The following RNF13 variants were observed in gnomAD, a reference collection of about 807,000 sequenced individuals.
RNF13 encodes the protein ring finger protein 13.
A neutral mutation model predicts 37.7 loss-of-function variants in RNF13; 19 were observed. The observed-to-expected ratio is 0.50, with a 90% CI of 0.35 to 0.74. The LOEUF (loss-of-function observed/expected upper bound fraction) is 0.74, where lower values mean the gene tolerates loss of function less well. RNF13 is among the 30% of genes least tolerant of loss of function. The pLI, the probability that RNF13 is intolerant of heterozygous loss-of-function variation, is 0.01. For synonymous variants in RNF13, 144 were observed against 157.8 expected (o/e 0.91, Z 0.65); for missense variants, 375 against 453.0 (o/e 0.83, Z 1.56).
At chr3:149,926,454 C>T (rs1718665714) in intron 8 of RNF13, among the ~76,000 whole-genome samples, 2 of 152,154 alleles carry the variant, frequency 1.3e-5, no homozygotes, top group Non-Finnish European at 2.9e-5. Flanking sequence ...TCATGATCTG[C>T]CCACCTTGGC....
At chr3:149,946,540 A>C (rs1720786740) in intron 8 of RNF13, among the ~76,000 whole-genome samples, 1 of 152,164 alleles carries the variant, frequency 6.6e-6, no homozygotes. Context: ...TTCATGATTT[A>C]GTACTGGTAG....
At chr3:149,842,418 T>TACAATAAATAAATAAATA (rs1205463309) in intron 1 of RNF13, among the ~76,000 whole-genome samples, 3 of 152,256 alleles carry the variant, frequency 2.0e-5, no homozygotes, top group Admixed American at 6.5e-5. Flanking sequence ...CTTCTGTGCA[T>TACAATAAATAAATAAATA]AATTGTATTT....
At chr3:149,867,457 G>A (rs1711509940) in intron 3 of RNF13, among the ~76,000 whole-genome samples, 1 of 151,426 alleles carries the variant, frequency 6.6e-6, no homozygotes, top group Non-Finnish European at 1.5e-5. Flanking sequence ...TAGTAGAGAT[G>A]GGGTTTCACG....
At chr3:149,944,330 CCCA>C (rs1720561613) in intron 8 of RNF13, among the ~76,000 whole-genome samples, 3 of 152,270 alleles carry the variant, frequency 2.0e-5, no homozygotes, top group Non-Finnish European at 2.9e-5. Flanking sequence ...TAGCTATATA[CCCA>C]GTAATGGGAT....
intron 8 of RNF13, among the ~76,000 whole-genome samples, chr3:149,958,463 C>T (rs1722073178): frequency 6.6e-6 from 1 of 152,204 alleles, no homozygotes; most frequent in Admixed American, 6.5e-5. Flanking sequence ...TTCCACTTTT[C>T]AAAACCCTTG....
At chr3:149,840,848 C>T (rs1231590238) in intron 1 of RNF13, among the ~76,000 whole-genome samples, 2 of 152,186 alleles carry the variant, frequency 1.3e-5, no homozygotes, top group African/African-American at 4.8e-5. Flanking sequence ...CACTGAGAAG[C>T]CTTACATTCA....
chr3:149,900,680 A>G (rs1194560082), intron 5 of RNF13, among the ~76,000 whole-genome samples: 1 of 152,212 alleles, frequency 6.6e-6, no homozygotes, highest in Non-Finnish European at 1.5e-5. Context: ...AAAAAAGCTT[A>G]CACTTTAAAA....
chr3:149,842,760 A>G (rs939970888), intron 1 of RNF13, among the ~76,000 whole-genome samples: 3 of 152,220 alleles, frequency 2.0e-5, no homozygotes, highest in African/African-American at 4.8e-5. Context: ...TTTATACATC[A>G]TATTTTTGAC....
intron 8 of RNF13, among the ~76,000 whole-genome samples, chr3:149,945,654 G>T (rs1339249080): frequency 1.3e-5 from 2 of 152,182 alleles, no homozygotes; most frequent in African/African-American, 4.8e-5. Context: ...TAACCTAACT[G>T]GGAGGCACCC....
At chr3:149,834,693 A>C (rs1206075721) in intron 1 of RNF13, among the ~76,000 whole-genome samples, 1 of 152,066 alleles carries the variant, frequency 6.6e-6, no homozygotes, top group East Asian at 1.9e-4. Context: ...CCTCTCTCTC[A>C]CTTGCTGCTC....
chr3:149,909,051 T>C (rs112042991), intron 6 of RNF13, among the ~76,000 whole-genome samples: 74 of 152,278 alleles, frequency 4.9e-4, no homozygotes, highest in African/African-American at 1.8e-3. Context: ...CTTCCTCAAA[T>C]ACAGATTAAT....
At chr3:149,854,465 AATGGTTATCATTTGTATAT>A (rs956669755) in intron 3 of RNF13, among the ~76,000 whole-genome samples, 2 of 152,140 alleles carry the variant, frequency 1.3e-5, no homozygotes, top group African/African-American at 4.8e-5. Context: ...ATAATTCATA[AATGGTTATCATTTGTATAT>A]ATGAAAAGTT....
intron 8 of RNF13, among the ~76,000 whole-genome samples, chr3:149,958,236 G>T (rs1442261758): frequency 2.0e-5 from 3 of 152,108 alleles, no homozygotes; most frequent in Non-Finnish European, 4.4e-5. Context: ...TTTGACACAG[G>T]TCTCACAGGG....
chr3:149,858,791 T>G (rs1723920455), intron 3 of RNF13, among the ~76,000 whole-genome samples: 2 of 152,258 alleles, frequency 1.3e-5, no homozygotes, highest in Admixed American at 1.3e-4. Context: ...TCATCATTAT[T>G]CATTAAATTA....
chr3:149,926,780 A>G (rs1359260922), intron 8 of RNF13, among the ~76,000 whole-genome samples: 2 of 151,802 alleles, frequency 1.3e-5, no homozygotes, highest in Admixed American at 1.3e-4. Flanking sequence ...TTGTTTCTGG[A>G]TTTCTCTTGG....
chr3:149,817,946 AG>A (rs1324659769), intron 1 of RNF13, among the ~76,000 whole-genome samples: 2 of 152,218 alleles, frequency 1.3e-5, no homozygotes, highest in Admixed American at 6.5e-5. Flanking sequence ...GAAGGACTGT[AG>A]GTTTCCTTTC....
intron 7 of RNF13, among the ~76,000 whole-genome samples, chr3:149,912,498 C>T (rs1022970007): frequency 6.6e-6 from 1 of 151,892 alleles, no homozygotes; most frequent in Admixed American, 6.6e-5. Context: ...ACATGCATGC[C>T]AAAGTATTTT....
chr3:149,941,300 AC>A (rs1720236017), intron 8 of RNF13, among the ~76,000 whole-genome samples: 1 of 152,046 alleles, frequency 6.6e-6, no homozygotes, highest in Non-Finnish European at 1.5e-5. Context: ...TACTACCTGC[AC>A]CATTTTACAT....
At chr3:149,932,850 G>C (rs927971326) in intron 8 of RNF13, among the ~76,000 whole-genome samples, 46 of 152,316 alleles carry the variant, frequency 3.0e-4, no homozygotes, top group African/African-American at 1.0e-3. Flanking sequence ...TCACTAGACT[G>C]CCCTGGTAGG....
Sources: allele counts gnomAD v4.1 joint callset (sites outside exome capture counted in the v4.1 genomes callset), GRCh38; gene constraint gnomAD v4.1.1; transcripts MANE v1.5; gene names NCBI Gene and HGNC (gene_info 2026-07-23, HGNC 2026-07-21).